The following MEGF11 variants were observed in gnomAD, a reference collection of about 807,000 sequenced individuals.
MEGF11 encodes the protein multiple EGF like domains 11.
Under a neutral mutation model 146.6 loss-of-function variants are expected in MEGF11, and 126 were observed. The observed-to-expected ratio is 0.86, with a 90% CI of 0.74 to 1.00. The LOEUF (loss-of-function observed/expected upper bound fraction) is 1.00. Among genes scored for constraint, MEGF11 ranks in the 50% least tolerant of loss-of-function variants. The pLI is 0.00. For missense variants in MEGF11, 1,509 were observed against 1,521.2 expected, an observed-to-expected ratio of 0.99 and a Z score of 0.13; for synonymous variants, 532 against 583.4, an observed-to-expected ratio of 0.91 and a Z score of 1.27.
intron 10 of MEGF11, among the ~76,000 whole-genome samples, chr15:65,931,857 GAGAT>G (rs1187858101): frequency 1.6e-4 from 24 of 152,212 alleles, no homozygotes; most frequent in Non-Finnish European, 7.3e-5. Context: ...GCACTCATAG[GAGAT>G]AGAAGCTACT....
At chr15:65,993,879 C>T (rs1010592890) in intron 5 of MEGF11, among the ~76,000 whole-genome samples, 1 of 152,216 alleles carries the variant, frequency 6.6e-6, no homozygotes, top group Non-Finnish European at 1.5e-5. Context: ...CTCTATCTCT[C>T]TCACGGGCTG....
intron 1 of MEGF11, among the ~76,000 whole-genome samples, chr15:66,214,833 G>T (rs933145090): frequency 6.6e-6 from 1 of 152,102 alleles, no homozygotes; most frequent in Non-Finnish European, 1.5e-5. Flanking sequence ...TGCACTCAAG[G>T]CCCAGCTCAG....
chr15:66,069,728 A>G (rs929287621), intron 5 of MEGF11, among the ~76,000 whole-genome samples: 1 of 152,338 alleles, frequency 6.6e-6, no homozygotes, highest in East Asian at 1.9e-4. Flanking sequence ...AATATTTTCC[A>G]TAGAAAAACA....
intron 1 of MEGF11, among the ~76,000 whole-genome samples, chr15:66,222,370 C>G (rs886284403): frequency 6.6e-6 from 1 of 152,146 alleles, no homozygotes; most frequent in African/African-American, 2.4e-5. Context: ...GGCCTTTCCT[C>G]AAACCTACTC....
chr15:66,211,164 A>T (rs1032809088), intron 1 of MEGF11, among the ~76,000 whole-genome samples: 28 of 152,196 alleles, frequency 1.8e-4, no homozygotes, highest in African/African-American at 6.7e-4. Flanking sequence ...GGTATCACAT[A>T]CATATTAACT....
chr15:66,066,192 C>T (rs1052626058), intron 5 of MEGF11, among the ~76,000 whole-genome samples: 9 of 152,134 alleles, frequency 5.9e-5, no homozygotes, highest in African/African-American at 2.2e-4. Context: ...AGATCATGAG[C>T]AGGGTGCCAG....
Position 65,930,878 on chromosome 15 carries a change from G to A in MEGF11, c.1353C>T (p.Ser451=). 6.2e-7 allele frequency: 1 copy of A among 1,611,854 alleles called. No individual in the cohort carries two copies. Residue 451 remains serine (S), a synonymous_variant, in exon 11 of 26, where the codon AGC becomes AGT. Coordinates refer to ENST00000395614, the MANE Select transcript of MEGF11 (RefSeq NM_001385028.1). Reference sequence around the variant, plus strand: ...GGGAGCAGGTGCCACCATTGTTACAGCTACAGATGGACGAGCAGTTGGGGC... The same window carrying A: ...GGGAGCAGGTGCCACCATTGTTACAACTACAGATGGACGAGCAGTTGGGGC... ...TYGPNCSSIC[S]CNNGGTCSPV...
At chr15:66,076,177 G>T (rs543665855) in intron 5 of MEGF11, among the ~76,000 whole-genome samples, 17 of 151,118 alleles carry the variant, frequency 1.1e-4, no homozygotes, top group African/African-American at 3.7e-4. Context: ...AGTTGGACAA[G>T]GGGATGAATG....
chr15:66,048,168 A>G (rs2084297320), intron 5 of MEGF11, among the ~76,000 whole-genome samples: 1 of 152,140 alleles, frequency 6.6e-6, no homozygotes, highest in African/African-American at 2.4e-5. Context: ...CTGCTCTTGA[A>G]TTCCTGACCC....
chr15:66,211,840 C>G (rs1287077066), intron 1 of MEGF11, among the ~76,000 whole-genome samples: 1 of 151,780 alleles, frequency 6.6e-6, no homozygotes, highest in Non-Finnish European at 1.5e-5. Context: ...TTTCATGTTC[C>G]CTTCTCTACA....
At chr15:66,164,489 C>T (rs924902881) in intron 1 of MEGF11, among the ~76,000 whole-genome samples, 5 of 152,118 alleles carry the variant, frequency 3.3e-5, no homozygotes, top group East Asian at 1.9e-4. Flanking sequence ...TGCCATGGAC[C>T]CTGGGCAAGT....
intron 18 of MEGF11, 129 bp downstream of exon 18, chr15:65,916,019 G>T: frequency 8.4e-7 from 1 of 1,186,774 alleles, no homozygotes; most frequent in Non-Finnish European, 1.1e-6. Context: ...TTCCTTGGAA[G>T]TTGTCCCCAA....
intron 1 of MEGF11, among the ~76,000 whole-genome samples, chr15:66,206,984 G>C (rs58731318): frequency 0.087 from 13,267 of 152,114 alleles, 702 homozygotes; most frequent in African/African-American, 0.14. Context: ...CAGTAAACCT[G>C]AAGATAGCTC....
rs527946482 is a variant in MEGF11, at chr15:65,981,666, G to A, written c.641+576C>T. Among the ~76,000 whole-genome samples, 14 of 152,266 alleles carry A rather than the reference G, an allele frequency of 9.2e-5. No individual in the cohort carries two copies. The South Asian group carries it at 2.7e-3, about 29-fold the overall frequency. ...CCTCTGAGGGGGTCTCAGCTAAGCAGTCTTGTAGGTCTCCTGTCAATACTA... is the reference window on the plus strand; with the variant it reads ...CCTCTGAGGGGGTCTCAGCTAAGCAATCTTGTAGGTCTCCTGTCAATACTA... On this transcript the variant is annotated intron_variant, in intron 6 of 25. Transcript: ENST00000395614.
At chr15:66,006,302 T>G (rs188563115) in intron 5 of MEGF11, among the ~76,000 whole-genome samples, 8 of 152,234 alleles carry the variant, frequency 5.3e-5, no homozygotes, top group Admixed American at 4.6e-4. Flanking sequence ...GCTCTAATGT[T>G]TTATGCACCT....
chr15:65,947,243 T>G (rs989247388), intron 10 of MEGF11, among the ~76,000 whole-genome samples: 7 of 151,948 alleles, frequency 4.6e-5, no homozygotes, highest in Admixed American at 2.0e-4. Context: ...CACTAATGAC[T>G]AAGGGAGAGG....
chr15:66,068,072 C>T (rs1178126209), intron 5 of MEGF11, among the ~76,000 whole-genome samples: 1 of 152,032 alleles, frequency 6.6e-6, no homozygotes, highest in African/African-American at 2.4e-5. Flanking sequence ...TGTTGAGGAT[C>T]AAGTAAGCTA....
intron 1 of MEGF11, among the ~76,000 whole-genome samples, chr15:66,193,885 T>C (rs1251226088): frequency 1.3e-5 from 2 of 152,214 alleles, no homozygotes; most frequent in African/African-American, 4.8e-5. Context: ...CTTTGCTTAA[T>C]GTAATAAATA....
intron 4 of MEGF11, among the ~76,000 whole-genome samples, chr15:66,098,818 T>C (rs1021034385): frequency 6.6e-6 from 1 of 152,176 alleles, no homozygotes; most frequent in African/African-American, 2.4e-5. Flanking sequence ...ACACGGCATG[T>C]GTGTACGTAT....
Sources: allele counts gnomAD v4.1 joint callset (sites outside exome capture counted in the v4.1 genomes callset), GRCh38; gene constraint gnomAD v4.1.1; transcripts MANE v1.5; gene names NCBI Gene and HGNC (gene_info 2026-07-23, HGNC 2026-07-21).